The following SRBD1 variants were observed in gnomAD, a reference collection of about 807,000 sequenced individuals.
SRBD1 encodes S1 RNA binding domain 1.
SRBD1 carries 88 observed loss-of-function variants against 115.3 expected under a neutral mutation model. The ratio of observed to expected loss-of-function variants is 0.76; its 90% CI spans 0.64 to 0.91. The LOEUF is 0.91. Among genes scored for constraint, SRBD1 ranks in the 40% least tolerant of loss-of-function variants. The pLI, the probability that SRBD1 is intolerant of heterozygous loss-of-function variation, is 0.00. For missense variants in SRBD1, 1,385 were observed against 1,177.4 expected, an observed-to-expected ratio of 1.18 and a Z score of -2.58; for synonymous variants, 509 against 407.7, an observed-to-expected ratio of 1.25 and a Z score of -2.99.
chr2:45,553,756 A>G, intron 10 of SRBD1, 26 bp from the exon 11 acceptor site: 1 of 1,449,920 alleles, frequency 6.9e-7, no homozygotes, highest in Admixed American at 2.3e-5. Context: ...GCCCACACTA[A>G]AACTGATGCA....
At chr2:45,516,218 G>A (rs1241858764) in intron 14 of SRBD1, among the ~76,000 whole-genome samples, 1 of 152,162 alleles carries the variant, frequency 6.6e-6, no homozygotes, top group East Asian at 1.9e-4. Context: ...GGACAAAATA[G>A]ACATTCCAAA....
chr2:45,409,255 A>C (rs114663394), intron 19 of SRBD1, among the ~76,000 whole-genome samples: 2 of 151,702 alleles, frequency 1.3e-5, no homozygotes, highest in African/African-American at 4.8e-5. Context: ...CCTCCCCCCA[A>C]AAAAAGATAG....
At chr2:45,397,930 A>C (rs537336007) in intron 19 of SRBD1, among the ~76,000 whole-genome samples, 118 of 152,280 alleles carry the variant, frequency 7.7e-4, no homozygotes, top group Middle Eastern at 3.4e-3. Context: ...TGTTAAACCA[A>C]GATACTGAAA....
rs115483285 is a variant in SRBD1 at position 45,580,975 on chromosome 2, G to A, written c.933+718C>T. ...TGGGATTACAGGCTTGAGCCACCGC[G>A]CCCAGCCAATTCTTCTACTTCTTAA... On this transcript the variant is annotated intron_variant, in intron 6 of 20. Coordinates refer to ENST00000263736, the MANE Select transcript of SRBD1 (RefSeq NM_018079.5). Among the ~76,000 whole-genome samples, 915 of 151,854 alleles carry A rather than the reference G, an allele frequency of 6.0e-3. 7 individuals carry two copies. Among genetic ancestry groups the A allele is most frequent in the African/African-American group, 0.021 (883 of 41,398 alleles).
chr2:45,551,154 C>T lies in SRBD1; in HGVS notation c.1646G>A (p.Gly549Asp). Residue 549 changes from glycine (G) to aspartate (D), a missense_variant, in exon 12 of 21, where the codon GGT becomes GAT. Transcript: ENST00000263736. ...AGGAGAAATTATAGCTAATTTGCAA[C>T]CATGTTTATAACCAGGATCCACTCC... is the stretch of plus-strand genomic sequence containing the variant. ...LMGVDPGYKH[G>D]CKLAIISPTS... 1.3e-6 allele frequency: 2 copies of T among 1,597,832 alleles called. No homozygotes were observed. Among genetic ancestry groups the T allele is most frequent in the Non-Finnish European group, 1.7e-6 (2 of 1,176,318 alleles).
At chr2:45,473,923 G>A (rs1272964538) in intron 16 of SRBD1, among the ~76,000 whole-genome samples, 1 of 152,156 alleles carries the variant, frequency 6.6e-6, no homozygotes, top group African/African-American at 2.4e-5. Flanking sequence ...AACGCTGAAG[G>A]TTTAGAACGT....
rs533732138 is a variant in SRBD1, at chr2:45,598,469, C to T, written c.648+980G>A. ...CTCTACTAAAAATACGAAAAATTAGCCGGGCGTGGTGGCAGGTGCCTGTAG... is the reference window on the plus strand; with the variant it reads ...CTCTACTAAAAATACGAAAAATTAGTCGGGCGTGGTGGCAGGTGCCTGTAG... On this transcript the variant is annotated intron_variant, in intron 4 of 20. Transcript: ENST00000263736. Among the ~76,000 whole-genome samples, 616 of 152,062 alleles carry T rather than the reference C, an allele frequency of 4.1e-3. 5 individuals carry two copies. The highest frequency in any genetic ancestry group is 0.013 in the African/African-American group (534 of 41,476).
intron 16 of SRBD1, among the ~76,000 whole-genome samples, chr2:45,461,573 A>G (rs910138482): frequency 4.6e-5 from 7 of 152,176 alleles, no homozygotes; most frequent in Non-Finnish European, 1.0e-4. Flanking sequence ...CCCACTCTAC[A>G]GTGCATATGC....
chr2:45,547,097 A>G (rs1359261738), intron 13 of SRBD1, among the ~76,000 whole-genome samples: 4 of 152,224 alleles, frequency 2.6e-5, no homozygotes, highest in Non-Finnish European at 4.4e-5. Flanking sequence ...CTTCCCATCA[A>G]GAAGGAACCA....
intron 16 of SRBD1, among the ~76,000 whole-genome samples, chr2:45,464,424 G>GAA (rs1252667216): frequency 2.6e-5 from 4 of 152,154 alleles, no homozygotes; most frequent in African/African-American, 9.7e-5. Context: ...GGTACCTTTT[G>GAA]AAAAGACATT....
At chr2:45,423,637 C>T (rs1016898174) in intron 16 of SRBD1, among the ~76,000 whole-genome samples, 1 of 152,032 alleles carries the variant, frequency 6.6e-6, no homozygotes, top group Admixed American at 6.5e-5. Flanking sequence ...GAACACCAAT[C>T]CTTCTCAAAC....
chr2:45,509,766 A>G (rs1232552806), intron 14 of SRBD1, among the ~76,000 whole-genome samples: 1 of 151,944 alleles, frequency 6.6e-6, no homozygotes, highest in Non-Finnish European at 1.5e-5. Context: ...ACAGGGTCTC[A>G]CTCTGCTGCC....
chr2:45,609,081 A>G (rs1216414032), intron 1 of SRBD1, among the ~76,000 whole-genome samples: 1 of 152,164 alleles, frequency 6.6e-6, no homozygotes, highest in Non-Finnish European at 1.5e-5. Context: ...TGCTGGGATT[A>G]CAAGTGTGAG....
rs957085857 is a variant in SRBD1 at position 45,412,239 on chromosome 2, T to A, written c.2513+875A>T. Among the ~76,000 whole-genome samples, 16 of 152,196 alleles carry A rather than the reference T, an allele frequency of 1.1e-4. No individual in the cohort carries two copies. In the East Asian group the frequency reaches 1.2e-3, roughly 11 times the overall value. ...GCTATATAGGAATTCACTGTAAAAATTTTTTTTCCAATTTTTCTGTATGGC... is the reference window on the plus strand; with the variant it reads ...GCTATATAGGAATTCACTGTAAAAAATTTTTTTCCAATTTTTCTGTATGGC... On this transcript the variant is annotated intron_variant, in intron 19 of 20. Coordinates refer to ENST00000263736, the MANE Select transcript of SRBD1 (RefSeq NM_018079.5).
chr2:45,510,172 C>T (rs2103921883), intron 14 of SRBD1, among the ~76,000 whole-genome samples: 1 of 152,256 alleles, frequency 6.6e-6, no homozygotes, highest in African/African-American at 2.4e-5. Flanking sequence ...ATATACTCTA[C>T]TTGTTTAAAG....
chr2:45,587,031 T>C (rs1314865983), intron 4 of SRBD1, among the ~76,000 whole-genome samples: 1 of 138,894 alleles, frequency 7.2e-6, no homozygotes, highest in Admixed American at 7.2e-5. Context: ...ATTAAAATAT[T>C]TAAAAATTTT....
At chr2:45,391,589 T>G (rs1484360838) in intron 20 of SRBD1, among the ~76,000 whole-genome samples, 1 of 152,164 alleles carries the variant, frequency 6.6e-6, no homozygotes, top group African/African-American at 2.4e-5. Context: ...GTGACTTACA[T>G]TAGAGCAAAG....
At position 45,586,951 on chromosome 2, in the gene SRBD1, ATT is replaced by A. The variant is rs1209581990; in HGVS notation, c.649-1179_649-1178del. On this transcript the variant is annotated intron_variant, in intron 4 of 20. Transcript: ENST00000263736. Reference sequence around the variant, plus strand: ...AATTATAAATATTAAAATATTTAAAATTATTTTAAATTATAAATATTAAAATA... The same window carrying A: ...AATTATAAATATTAAAATATTTAAAAATTTTAAATTATAAATATTAAAATA... Among the ~76,000 whole-genome samples the A allele has an allele frequency of 1.6e-4, 23 of 146,190 alleles. 3 individuals carry two copies. The highest frequency in any genetic ancestry group is 5.4e-4 in the African/African-American group (22 of 40,598).
intron 14 of SRBD1, among the ~76,000 whole-genome samples, chr2:45,535,341 G>A (rs1247473114): frequency 6.6e-6 from 1 of 151,982 alleles, no homozygotes; most frequent in Non-Finnish European, 1.5e-5. Context: ...AATAGGTTAA[G>A]ACCAAAATGT....
Sources: gnomAD v4.1 joint callset for allele counts (sites outside exome capture counted in the v4.1 genomes callset) on GRCh38, gnomAD v4.1.1 for gene constraint, MANE v1.5 for transcripts, NCBI Gene and HGNC (gene_info 2026-07-23, HGNC 2026-07-21) for gene names.